Variants in OR8B2 observed in about 807,000 individuals in gnomAD.
The protein encoded by OR8B2 is olfactory receptor family 8 subfamily B member 2.
For synonymous variants in OR8B2, 98 were observed against 138.2 expected (o/e 0.71, Z 2.04); for missense variants, 304 against 379.6 (o/e 0.80, Z 1.65).
At chr11:124,384,241 G>A (rs1860657835) in intron 1 of OR8B2, 133 bp downstream of exon 1, 1 of 152,180 alleles carries the variant, frequency 6.6e-6, no homozygotes, top group Non-Finnish European at 1.5e-5. Flanking sequence ...AGCCAACAGA[G>A]AGAACAGTGT....
Position 124,382,731 on chromosome 11 carries a change from T to C in OR8B2, c.613A>G (p.Thr205Ala), listed in dbSNP as rs748128438. The C allele has an allele frequency of 6.2e-7, 1 of 1,613,880 alleles. No individual in the cohort carries two copies. The highest frequency in any genetic ancestry group is 1.7e-5 in the Admixed American group (1 of 59,974). The change falls in exon 2 of 2, where the codon ACT becomes GCT. Residue 205 changes from threonine (T) to alanine (A), a missense_variant. By Grantham distance (58) the Thr-to-Ala change is moderately conservative. Transcript: ENST00000641451. ...NEVVVLIVVG[T>A]NITVPSCTIL... ...GTACAACTGGGTACCGTGATATTAG[T>C]ACCCACAACAATGAGAACAACCACC...
At chr11:124,391,463 A>C in the OR8B2 span, among the ~76,000 whole-genome samples, 2 of 152,070 alleles carry the variant, frequency 1.3e-5, no homozygotes, top group African/African-American at 4.8e-5. Context: ...AATACAAACT[A>C]CCATCAGAGA....
At chr11:124,397,045 A>C in the OR8B2 span, 1 of 1,613,976 alleles carries the variant, frequency 6.2e-7, no homozygotes, top group Non-Finnish European at 8.5e-7. Flanking sequence ...AAGAGAAAGA[A>C]AAACAGCTGA....
At chr11:124,394,291 A>G in the OR8B2 span, among the ~76,000 whole-genome samples, 1 of 151,688 alleles carries the variant, frequency 6.6e-6, no homozygotes, top group East Asian at 1.9e-4. Flanking sequence ...AAATAAATAA[A>G]TAAAATCAGC....
the OR8B2 span, chr11:124,395,755 GC>G: frequency 6.6e-6 from 1 of 152,194 alleles, no homozygotes; most frequent in South Asian, 2.1e-4. Context: ...TGTAAATGCT[GC>G]CTTTGGCAAT....
chr11:124,391,857 T>G, the OR8B2 span, among the ~76,000 whole-genome samples: 1 of 149,960 alleles, frequency 6.7e-6, no homozygotes, highest in East Asian at 1.9e-4. Context: ...GATGGAAAAA[T>G]CCTCAATAAA....
chr11:124,394,015 A>T, the OR8B2 span, among the ~76,000 whole-genome samples: 1 of 149,470 alleles, frequency 6.7e-6, no homozygotes, highest in African/African-American at 2.5e-5. Context: ...ACAAAAAACC[A>T]AACACCGCGT....
At chr11:124,387,087 C>T (rs1336341063), upstream of OR8B2, among the ~76,000 whole-genome samples, 1 of 152,114 alleles carries the variant, frequency 6.6e-6, no homozygotes, top group Non-Finnish European at 1.5e-5. Flanking sequence ...TATCCTTTGC[C>T]CACTTTTTGA....
the OR8B2 span, among the ~76,000 whole-genome samples, chr11:124,391,812 AAG>A: frequency 2.1e-3 from 317 of 151,938 alleles, no homozygotes; most frequent in Non-Finnish European, 3.5e-3. Context: ...ACAACCAAAA[AAG>A]AGAATTTTAG....
chr11:124,383,896 AT>A (rs1237681030), intron 1 of OR8B2, among the ~76,000 whole-genome samples: 4 of 152,174 alleles, frequency 2.6e-5, no homozygotes, highest in Admixed American at 2.0e-4. Flanking sequence ...AGGCCTTATG[AT>A]TCACCACATA....
chr11:124,390,223 T>A, the OR8B2 span, among the ~76,000 whole-genome samples: 3 of 152,134 alleles, frequency 2.0e-5, no homozygotes, highest in African/African-American at 7.2e-5. Flanking sequence ...TAGGCACAAA[T>A]TCCAGGCAAT....
Position 124,383,010 on chromosome 11 carries a change from A to G in OR8B2, c.334T>C (p.Cys112Arg), listed in dbSNP as rs150372983. The G allele has an allele frequency of 2.4e-4, 391 of 1,613,868 alleles. 3 individuals are homozygous for G. The African/African-American group carries it at 4.6e-3, about 19-fold the overall frequency. The part of the protein sequence containing the change: ...FFFLFFVISE[C>R]YMLTSMAYDR... ...TATGCCATTGAAGTCAACATGTAACATTCAGAGATGACGAAAAAGAGAAAG... is the reference window on the plus strand; with the variant it reads ...TATGCCATTGAAGTCAACATGTAACGTTCAGAGATGACGAAAAAGAGAAAG... The change falls in exon 2 of 2, where the codon TGT becomes CGT. Residue 112 changes from cysteine to arginine, a missense_variant. Physicochemically the swap from Cys to Arg is radical, Grantham distance 180. Coordinates refer to ENST00000641451, the MANE Select transcript of OR8B2 (RefSeq NM_001005468.2).
At chr11:124,389,880 G>T in the OR8B2 span, among the ~76,000 whole-genome samples, 1 of 152,184 alleles carries the variant, frequency 6.6e-6, no homozygotes, top group Admixed American at 6.5e-5. Context: ...TTTAAACAGA[G>T]AATTAGTTAT....
At chr11:124,384,503 C>A (rs552909983), upstream of OR8B2, 20 of 152,280 alleles carry the variant, frequency 1.3e-4, no homozygotes, top group African/African-American at 2.6e-4. Context: ...TTCTCCCTTA[C>A]CTGGCAAAAG....
chr11:124,383,244 T>A lies in OR8B2; in HGVS notation c.100A>T (p.Ile34Phe), dbSNP rs61911135. 6 of 1,560,014 alleles carry A rather than the reference T, an allele frequency of 3.8e-6. 1 individual carries two copies. In the South Asian group the frequency reaches 4.5e-5, roughly 12 times the overall value. ...TTGCCTACCATGGTGACAATGTAGA[T>A]CACTAGAAACAGGAAAAAGAGGGGT... is the stretch of plus-strand genomic sequence containing the variant. ...RQPLFFLFLVIYIVTMVGNLG... is the reference protein window; with the variant it reads ...RQPLFFLFLVFYIVTMVGNLG... The change falls in exon 2 of 2, where the codon ATC becomes TTC. Residue 34 changes from isoleucine to phenylalanine, a missense_variant. By Grantham distance (21) the Ile-to-Phe change is conservative. Transcript: ENST00000641451.
At chr11:124,394,695 C>A in the OR8B2 span, among the ~76,000 whole-genome samples, 1 of 152,110 alleles carries the variant, frequency 6.6e-6, no homozygotes, top group East Asian at 1.9e-4. Flanking sequence ...ATGGTGGATC[C>A]AAGGAAGTGC....
chr11:124,394,916 G>A, the OR8B2 span, among the ~76,000 whole-genome samples: 2 of 152,052 alleles, frequency 1.3e-5, no homozygotes, highest in Non-Finnish European at 2.9e-5. Flanking sequence ...AGATACTCCA[G>A]TTCAGCCAGG....
chr11:124,384,921 G>T (rs1860673691), upstream of OR8B2, among the ~76,000 whole-genome samples: 1 of 152,102 alleles, frequency 6.6e-6, no homozygotes, highest in Non-Finnish European at 1.5e-5. Flanking sequence ...GGCAGTGTTA[G>T]CTTTAACAAG....
intron 1 of OR8B2, among the ~76,000 whole-genome samples, chr11:124,383,929 C>T (rs967602150): frequency 3.3e-5 from 5 of 152,176 alleles, no homozygotes; most frequent in African/African-American, 9.7e-5. Context: ...AGTGTTTCTA[C>T]ACATTCTCCT....
Sources: allele counts gnomAD v4.1 joint callset (sites outside exome capture counted in the v4.1 genomes callset), GRCh38; gene constraint gnomAD v4.1.1; transcripts MANE v1.5; gene names NCBI Gene and HGNC (gene_info 2026-07-23, HGNC 2026-07-21).